Variants in SCO1 observed in about 807,000 individuals in gnomAD.
The protein encoded by SCO1 is cytochrome c oxidase assembly factor SCO1.
A neutral mutation model predicts 34.0 loss-of-function variants in SCO1; 23 were observed. The ratio of observed to expected loss-of-function variants is 0.68; its 90% CI spans 0.49 to 0.96. The LOEUF is 0.96. Ranked by LOEUF, SCO1 falls within the 40% of genes least tolerant of loss-of-function variation. The pLI, the probability that SCO1 is intolerant of heterozygous loss-of-function variation, is 0.00. For synonymous variants in SCO1, 161 were observed against 145.5 expected (o/e 1.11, Z -0.77); for missense variants, 404 against 381.6 (o/e 1.06, Z -0.49).
chr17:10,696,002 C>A (rs978785389), intron 1 of SCO1, among the ~76,000 whole-genome samples, 171 bp from the exon 2 acceptor site: 2 of 139,830 alleles, frequency 1.4e-5, no homozygotes, highest in Admixed American at 8.0e-5. Flanking sequence ...GCAGTTAGGT[C>A]TGGGATCTGA....
rs869243005 is a variant in SCO1 at position 10,696,071 on chromosome 17, T to TAA, written c.274-242_274-241dup. Among the ~76,000 whole-genome samples the TAA allele has an allele frequency of 2.6e-3, 188 of 73,016 alleles. 30 individuals are homozygous for TAA. Among genetic ancestry groups the TAA allele is most frequent in the East Asian group, 0.016 (33 of 2,004 alleles). 47.9% of individuals were successfully genotyped at this position (73,016 alleles called of 152,430 possible). ...CCTAAGTCAGTTCTCTTCATGTAAA[T>TAA]AAAAAAAAAAAAAAAAAAAAAAAAA... is the stretch of plus-strand genomic sequence containing the variant. On this transcript the variant is annotated intron_variant, in intron 1 of 5. Transcript: ENST00000255390.
chr17:10,697,179 GCT>G, intron 1 of SCO1, 54 bp downstream of exon 1: 1 of 1,448,470 alleles, frequency 6.9e-7, no homozygotes, highest in Non-Finnish European at 9.1e-7. Flanking sequence ...GGATGTGGCC[GCT>G]GGGCTGGCCG....
Position 10,673,398 on chromosome 17 carries a change from C to A in SCO1, c.*7721G>T, listed in dbSNP as rs954797477. On this transcript the variant is annotated 3_prime_UTR_variant, in exon 6 of 6. Transcript: ENST00000255390. ...GACTGTCTTGTGCTGTGATCCCGCA[C>A]GTTCCCGACAGGGCTTTCTGAATGT... The A allele has an allele frequency of 2.6e-5, 4 of 152,204 alleles. No homozygotes were observed. The highest frequency in any genetic ancestry group is 4.8e-5 in the African/African-American group (2 of 41,426). The allele number at this position is 152,204 out of a possible 1,614,324, so 9.4% of individuals were successfully genotyped here.
rs1474902711 is a variant in SCO1, at chr17:10,690,100, A to C, written c.655+1772T>G. On this transcript the variant is annotated intron_variant, in intron 4 of 5. Transcript: ENST00000255390. ...CTGCAACTATAAAATTAGTAGAAGA[A>C]AACATAGGGGAAACACTTCAGGACA... 3.3e-5 allele frequency among the ~76,000 whole-genome samples: 5 copies of C among 152,238 alleles called. No homozygotes were observed. In the South Asian group the frequency reaches 1.0e-3, roughly 31 times the overall value.
At position 10,676,326 on chromosome 17, in the gene SCO1, G is replaced by A. The variant is rs1477090080; in HGVS notation, c.*4793C>T. The A allele has an allele frequency of 1.3e-5, 2 of 152,150 alleles. No homozygotes were observed. 9.4% of individuals were successfully genotyped at this position (152,150 alleles called of 1,614,324 possible). ...GGCCAGTCTCGAACTCTCAACCTCAGGTGATCCACCCGCCTTTGCTTCCCA... is the reference window on the plus strand; with the variant it reads ...GGCCAGTCTCGAACTCTCAACCTCAAGTGATCCACCCGCCTTTGCTTCCCA... On this transcript the variant is annotated 3_prime_UTR_variant, in exon 6 of 6. Coordinates refer to ENST00000255390, the MANE Select transcript of SCO1 (RefSeq NM_004589.4).
At chr17:10,691,812 G>T (rs2074691298) in intron 4 of SCO1, 60 bp downstream of exon 4, 2 of 1,060,962 alleles carry the variant, frequency 1.9e-6, no homozygotes, top group South Asian at 1.3e-5. Context: ...AGGTTCAAAT[G>T]AACTGATATT....
chr17:10,697,508 G>C lies in SCO1; in HGVS notation c.-1C>G. ...CGGGTACTAGGACCAGCATCGCCAT[G>C]AGCCTCGGAGACCGGGTCTCCTTTG... On this transcript the variant is annotated 5_prime_UTR_variant, in exon 1 of 6. Coordinates refer to ENST00000255390, the MANE Select transcript of SCO1 (RefSeq NM_004589.4). 6.2e-7 allele frequency: 1 copy of C among 1,613,246 alleles called. No individual in the cohort carries two copies. Among genetic ancestry groups the C allele is most frequent in the Non-Finnish European group, 8.5e-7 (1 of 1,179,898 alleles).
At position 10,692,884 on chromosome 17, in the gene SCO1, C is replaced by G. The variant is rs533385775; in HGVS notation, c.442G>C (p.Glu148Gln). ...GPFSLTTHTG[E>Q]RKTDKDYLGQ... ...AAGTAGTCCTTGTCAGTTTTACGCTCCCCAGTATGAGTTGTGAGGGAAAAC... is the reference window on the plus strand; with the variant it reads ...AAGTAGTCCTTGTCAGTTTTACGCTGCCCAGTATGAGTTGTGAGGGAAAAC... Residue 148 changes from glutamate (E) to glutamine (Q), a missense_variant, in exon 3 of 6, where the codon GAG becomes CAG. Physicochemically the swap from Glu to Gln is conservative, Grantham distance 29. Transcript: ENST00000255390. 1.9e-6 allele frequency: 3 copies of G among 1,614,142 alleles called. No individual in the cohort carries two copies. Among genetic ancestry groups the G allele is most frequent in the Middle Eastern group, 1.6e-4 (1 of 6,062 alleles).
intron 5 of SCO1, among the ~76,000 whole-genome samples, chr17:10,685,419 G>C (rs2074649793): frequency 6.6e-6 from 1 of 152,166 alleles, no homozygotes; most frequent in South Asian, 2.1e-4. Flanking sequence ...GGTGGATAGT[G>C]GTGGTGCTAA....
chr17:10,686,474 C>A (rs754926546), intron 5 of SCO1, among the ~76,000 whole-genome samples: 1 of 149,782 alleles, frequency 6.7e-6, no homozygotes, highest in African/African-American at 2.5e-5. Flanking sequence ...CCCAGCTACT[C>A]GGGAGGCTGA....
chr17:10,695,590 G>GTGAAAGGTA, intron 2 of SCO1, 151 bp downstream of exon 2: 1 of 602,496 alleles, frequency 1.7e-6, no homozygotes, highest in South Asian at 1.9e-5. Context: ...GGGAAGCTGG[G>GTGAAAGGTA]TGAAAGGTAT....
At position 10,692,638 on chromosome 17, in the gene SCO1, C is replaced by G. The variant is rs2520177; in HGVS notation, c.562+126G>C. On this transcript the variant is annotated intron_variant, in intron 3 of 5. Transcript: ENST00000255390. ...TTCAAAGCAACAAACAAGCCAAATGCTGAGATTTTATGTTCTTACAAATCA... is the reference window on the plus strand; with the variant it reads ...TTCAAAGCAACAAACAAGCCAAATGGTGAGATTTTATGTTCTTACAAATCA... 7 of 790,566 alleles carry G rather than the reference C, an allele frequency of 8.9e-6. No homozygotes were observed. In the East Asian group the frequency reaches 1.8e-4, roughly 21 times the overall value. 49.0% of individuals were successfully genotyped at this position (790,566 alleles called of 1,614,324 possible). A position where few individuals can be genotyped will look rare whatever the true frequency, so the allele number is the denominator to read the frequency against.
At chr17:10,686,331 G>A (rs2074656192) in intron 5 of SCO1, among the ~76,000 whole-genome samples, 1 of 152,208 alleles carries the variant, frequency 6.6e-6, no homozygotes, top group African/African-American at 2.4e-5. Context: ...GCTCACGTCT[G>A]TAATCCCAGT....
intron 4 of SCO1, 42 bp from the exon 5 acceptor site, chr17:10,686,884 G>T: frequency 7.6e-7 from 1 of 1,311,814 alleles, no homozygotes; most frequent in Non-Finnish European, 1.1e-6. Context: ...TGAGAAGCCA[G>T]TAAAACAACC....
rs886052595 is a variant in SCO1, at chr17:10,686,825, C to T, written c.673G>A (p.Val225Ile). The T allele has an allele frequency of 1.9e-6, 3 of 1,613,074 alleles. No homozygotes were observed. The South Asian group carries it at 3.3e-5, about 18-fold the overall frequency. Residue 225 changes from valine (V) to isoleucine (I), a missense_variant, in exon 5 of 6, where the codon GTT becomes ATT. Coordinates refer to ENST00000255390, the MANE Select transcript of SCO1 (RefSeq NM_004589.4). ...NYVKEFSPKL[V>I]GLTGTREEVD... is the part of the protein sequence containing the mutation. The stretch of plus-strand genomic sequence containing the variant: ...TCTTCTCTCGTGCCAGTCAAGCCAA[C>T]CAGTTTGGGAGAAAATTCTAAATAA...
chr17:10,692,085 T>A (rs1432866796), intron 3 of SCO1, 121 bp from the exon 4 acceptor site: 3 of 731,544 alleles, frequency 4.1e-6, no homozygotes, highest in Non-Finnish European at 7.4e-6. Context: ...CAGATGGACA[T>A]CTTAACATTC....
At chr17:10,694,843 C>T (rs2151457919) in intron 2 of SCO1, among the ~76,000 whole-genome samples, 1 of 152,102 alleles carries the variant, frequency 6.6e-6, no homozygotes, top group African/African-American at 2.4e-5. Context: ...CTTATTATGC[C>T]AAAGAGTCTC....
At chr17:10,687,748 C>G (rs758364311) in intron 4 of SCO1, among the ~76,000 whole-genome samples, 1 of 152,132 alleles carries the variant, frequency 6.6e-6, no homozygotes. Flanking sequence ...AAAATCTCCC[C>G]AAAATGCAAC....
At chr17:10,690,582 T>C (rs566122495) in intron 4 of SCO1, among the ~76,000 whole-genome samples, 8 of 152,248 alleles carry the variant, frequency 5.3e-5, no homozygotes, top group East Asian at 3.9e-4. Flanking sequence ...ACACACACCA[T>C]TGATGGAAAT....
Sources: allele counts gnomAD v4.1 joint callset (sites outside exome capture counted in the v4.1 genomes callset), GRCh38; gene constraint gnomAD v4.1.1; transcripts MANE v1.5; gene names NCBI Gene and HGNC (gene_info 2026-07-23, HGNC 2026-07-21).